The following PRKCA variants were observed in gnomAD, a reference collection of about 807,000 sequenced individuals.
PRKCA encodes protein kinase C alpha type.
In PRKCA, 27 loss-of-function variants were observed where a neutral mutation model predicts 87.0. The observed-to-expected ratio is 0.31, with a 90% CI of 0.23 to 0.43. The LOEUF is 0.43. Among genes scored for constraint, PRKCA ranks in the 20% least tolerant of loss-of-function variants. PRKCA has a pLI of 1.00. For synonymous variants in PRKCA, 329 were observed against 311.1 expected, an observed-to-expected ratio of 1.06 and a Z score of -0.61; for missense variants, 518 against 852.3, an observed-to-expected ratio of 0.61 and a Z score of 4.88.
In PRKCA at chr17:66,324,828, A is replaced by G. The variant is rs143950408; in HGVS notation, c.205+18701A>G. ...GATACTATGGCAGATAACACTCATT[A>G]GTCACGGTCTTCATTCAGCTTCAGA... On this transcript the variant is annotated intron_variant, in intron 2 of 16. Coordinates refer to ENST00000413366, the MANE Select transcript of PRKCA (RefSeq NM_002737.3). Among the ~76,000 whole-genome samples the G allele has an allele frequency of 6.6e-4, 100 of 152,308 alleles. 1 individual carries two copies. The highest frequency in any genetic ancestry group is 2.3e-3 in the African/African-American group (97 of 41,574).
At chr17:66,415,463 T>C (rs1912081484) in intron 2 of PRKCA, 1 of 152,184 alleles carries the variant, frequency 6.6e-6, no homozygotes, top group African/African-American at 2.4e-5. Flanking sequence ...CTGTAAATTA[T>C]TAACTTTTGG....
intron 2 of PRKCA, among the ~76,000 whole-genome samples, chr17:66,342,818 G>T (rs1425260578): frequency 6.6e-6 from 1 of 152,206 alleles, no homozygotes; most frequent in East Asian, 1.9e-4. Flanking sequence ...TATTTTGTTA[G>T]AGTCAAGAAA....
chr17:66,425,414 G>C (rs1252429071), intron 2 of PRKCA, among the ~76,000 whole-genome samples: 2 of 152,082 alleles, frequency 1.3e-5, no homozygotes, highest in African/African-American at 4.8e-5. Context: ...ACCCAGGCCA[G>C]GCCTTCCCCA....
At chr17:66,562,981 A>G (rs8079089) in intron 3 of PRKCA, among the ~76,000 whole-genome samples, 4,148 of 152,206 alleles carry the variant, frequency 0.027, 150 homozygotes, top group East Asian at 0.15. Context: ...TTCTGGTTAT[A>G]TACCTATAAC....
chr17:66,439,473 C>T (rs1013031571), intron 2 of PRKCA, among the ~76,000 whole-genome samples: 5 of 152,198 alleles, frequency 3.3e-5, no homozygotes, highest in Non-Finnish European at 5.9e-5. Flanking sequence ...AGCCATCGTG[C>T]CCGGCCTTTT....
intron 5 of PRKCA, among the ~76,000 whole-genome samples, chr17:66,673,707 G>T (rs1323873749): frequency 3.9e-5 from 6 of 152,184 alleles, no homozygotes; most frequent in Admixed American, 6.5e-5. Flanking sequence ...CAGAATCTCA[G>T]TCTATAATTA....
At chr17:66,410,869 C>T (rs1237652519) in intron 2 of PRKCA, among the ~76,000 whole-genome samples, 1 of 152,100 alleles carries the variant, frequency 6.6e-6, no homozygotes, top group Non-Finnish European at 1.5e-5. Flanking sequence ...AGCCACCTTG[C>T]CCAGCCAGGT....
chr17:66,659,291 C>T (rs1398292582), intron 5 of PRKCA, among the ~76,000 whole-genome samples: 2 of 152,136 alleles, frequency 1.3e-5, no homozygotes, highest in East Asian at 3.9e-4. Context: ...TGGAACATCA[C>T]ATCTTGTTTG....
intron 9 of PRKCA, among the ~76,000 whole-genome samples, chr17:66,734,551 CA>C (rs898258934): frequency 1.3e-5 from 2 of 152,158 alleles, no homozygotes; most frequent in Non-Finnish European, 2.9e-5. Context: ...TTCTCATCGC[CA>C]TCTTGGATTT....
chr17:66,604,676 A>G (rs1378404344), intron 3 of PRKCA, among the ~76,000 whole-genome samples: 1 of 152,224 alleles, frequency 6.6e-6, no homozygotes, highest in East Asian at 1.9e-4. Flanking sequence ...CTTGATTTTG[A>G]GTATGACTTG....
At chr17:66,622,862 C>T (rs1407829412) in intron 3 of PRKCA, among the ~76,000 whole-genome samples, 3 of 152,184 alleles carry the variant, frequency 2.0e-5, no homozygotes, top group Non-Finnish European at 4.4e-5. Context: ...ACGGGGGAAC[C>T]GCCCCCATGA....
intron 2 of PRKCA, among the ~76,000 whole-genome samples, chr17:66,481,135 G>A (rs1398970505): frequency 6.6e-6 from 1 of 152,054 alleles, no homozygotes; most frequent in East Asian, 1.9e-4. Flanking sequence ...GCTGGGCTGA[G>A]GGCTATTCCC....
At chr17:66,403,853 A>G (rs1445220487) in intron 2 of PRKCA, 1 of 152,248 alleles carries the variant, frequency 6.6e-6, no homozygotes, top group Non-Finnish European at 1.5e-5. Context: ...GGGGCATAAT[A>G]AATTTGAATA....
At chr17:66,781,963 G>C (rs771475563) in intron 14 of PRKCA, among the ~76,000 whole-genome samples, 40 of 151,588 alleles carry the variant, frequency 2.6e-4, no homozygotes, top group Middle Eastern at 3.4e-3. Flanking sequence ...GCCCAGGCTG[G>C]AGTGCAGTGG....
intron 3 of PRKCA, among the ~76,000 whole-genome samples, chr17:66,545,038 T>G (rs976908188): frequency 1.3e-5 from 2 of 152,272 alleles, no homozygotes; most frequent in East Asian, 3.8e-4. Context: ...GTTTATTGAT[T>G]GCCAGACTTT....
chr17:66,757,571 G>GAAA (rs35540620), intron 13 of PRKCA, among the ~76,000 whole-genome samples: 2 of 116,990 alleles, frequency 1.7e-5, no homozygotes, highest in African/African-American at 3.1e-5. Flanking sequence ...GCTTTGGGAG[G>GAAA]AAAAAAAAAA....
chr17:66,695,237 C>T (rs886996011), intron 8 of PRKCA, among the ~76,000 whole-genome samples: 1 of 151,812 alleles, frequency 6.6e-6, no homozygotes, highest in African/African-American at 2.4e-5. Flanking sequence ...GGCAAATAAC[C>T]CCAGCCATGG....
intron 3 of PRKCA, among the ~76,000 whole-genome samples, chr17:66,545,250 A>G (rs1292232811): frequency 6.6e-6 from 1 of 152,080 alleles, no homozygotes; most frequent in Non-Finnish European, 1.5e-5. Flanking sequence ...AACACGGTGA[A>G]ACCCCGCCTC....
intron 8 of PRKCA, among the ~76,000 whole-genome samples, chr17:66,694,148 T>C (rs554721482): frequency 1.2e-4 from 18 of 152,226 alleles, no homozygotes; most frequent in African/African-American, 3.9e-4. Context: ...TTCAATGGTT[T>C]GATGTTGGGT....
Sources: gnomAD v4.1 joint callset for allele counts (sites outside exome capture counted in the v4.1 genomes callset) on GRCh38, gnomAD v4.1.1 for gene constraint, MANE v1.5 for transcripts, NCBI Gene and HGNC (gene_info 2026-07-23, HGNC 2026-07-21) for gene names.